ATP8A2: variants seen among roughly 807,000 people sequenced by gnomAD.
ATP8A2 encodes ATPase phospholipid transporting 8A2.
In ATP8A2, 100 loss-of-function variants were observed where a neutral mutation model predicts 165.6. The ratio of observed to expected loss-of-function variants is 0.60; its 90% CI spans 0.51 to 0.71. The LOEUF is 0.71. Ranked by LOEUF, ATP8A2 falls within the 30% of genes least tolerant of loss-of-function variation. The pLI is 0.00. For missense variants in ATP8A2, 1,227 were observed against 1,479.5 expected (o/e 0.83, Z 2.80); for synonymous variants, 543 against 548.8 (o/e 0.99, Z 0.15).
chr13:25,768,906 C>CTTTG (rs2044553312), intron 25 of ATP8A2, 140 bp from the exon 26 acceptor site: 3 of 803,708 alleles, frequency 3.7e-6, no homozygotes, highest in Non-Finnish European at 6.1e-6. Context: ...CTGAAAGCTT[C>CTTTG]TTTGCACATG....
chr13:25,953,686 G>C lies in ATP8A2; in HGVS notation c.3184-7889G>C, dbSNP rs541944695. ...CTCACTGGGACTGGTTAGATAGTGG[G>C]TGCAGCCCACGGAGGGCAAGCCGAA... On this transcript the variant is annotated intron_variant, in intron 33 of 36. Coordinates refer to ENST00000381655, the MANE Select transcript of ATP8A2 (RefSeq NM_016529.6). This position sits in a 1 kb window ranked among gnomAD's most constrained non-coding sequence, Gnocchi z 6.7. 1.3e-5 allele frequency among the ~76,000 whole-genome samples: 2 copies of C among 152,074 alleles called. No homozygotes were observed. The highest frequency in any genetic ancestry group is 1.3e-4 in the Admixed American group (2 of 15,286).
In ATP8A2 at chr13:25,446,042, CAG is replaced by C. The variant is rs1271514801; in HGVS notation, c.77-22929_77-22928del. 1.2e-4 allele frequency among the ~76,000 whole-genome samples: 19 copies of C among 152,214 alleles called. No homozygotes were observed. In the South Asian group the frequency reaches 3.7e-3, roughly 30 times the overall value. The stretch of plus-strand genomic sequence containing the variant: ...GTGCGTGGAGTGTGCCTGAGAGAAA[CAG>C]AGAGACAGAGAGAGATATGGGATGT... On this transcript the variant is annotated intron_variant, in intron 1 of 36. Transcript: ENST00000381655.
chr13:25,875,362 A>T (rs980711436), intron 33 of ATP8A2, among the ~76,000 whole-genome samples: 1 of 151,832 alleles, frequency 6.6e-6, no homozygotes, highest in Non-Finnish European at 1.5e-5. Flanking sequence ...CTTAGTACCT[A>T]GTACCCATCT....
At chr13:25,893,950 T>C (rs965529264) in intron 33 of ATP8A2, among the ~76,000 whole-genome samples, 1 of 151,816 alleles carries the variant, frequency 6.6e-6, no homozygotes, top group African/African-American at 2.4e-5. Flanking sequence ...TCTGGATGAG[T>C]ATGTTGCAAA....
intron 28 of ATP8A2, among the ~76,000 whole-genome samples, chr13:25,833,545 A>G (rs1176263450): frequency 6.7e-6 from 1 of 148,594 alleles, no homozygotes; most frequent in Non-Finnish European, 1.5e-5. Flanking sequence ...TTCTAGAGTC[A>G]GATGTGTAAT....
intron 25 of ATP8A2, among the ~76,000 whole-genome samples, chr13:25,757,301 C>G (rs2044283915): frequency 6.6e-6 from 1 of 152,162 alleles, no homozygotes; most frequent in Non-Finnish European, 1.5e-5. Context: ...CTCCAGTGGA[C>G]ACACGCGTGC....
intron 33 of ATP8A2, among the ~76,000 whole-genome samples, chr13:25,950,510 GTTTA>G (rs1955327351): frequency 6.6e-6 from 1 of 152,144 alleles, no homozygotes; most frequent in African/African-American, 2.4e-5. Context: ...CTCACACCCT[GTTTA>G]GGAAAATTGG....
intron 25 of ATP8A2, among the ~76,000 whole-genome samples, chr13:25,734,786 A>T (rs147902863): frequency 3.9e-5 from 6 of 152,234 alleles, no homozygotes; most frequent in African/African-American, 9.6e-5. Context: ...TTACAGGTGC[A>T]CATCACCACA....
chr13:25,729,107 C>A lies in ATP8A2; in HGVS notation c.2384+29762C>A, dbSNP rs181029279. 3.6e-3 allele frequency among the ~76,000 whole-genome samples: 551 copies of A among 152,170 alleles called. 5 individuals are homozygous for A. The highest frequency in any genetic ancestry group is 3.5e-3 in the Non-Finnish European group (235 of 68,010). ...TCCACTGTTTTTTTCCCACCCTCCC[C>A]CTCTCTCCTTTCTTGTGCAAGATTT... On this transcript the variant is annotated intron_variant, in intron 25 of 36. Transcript: ENST00000381655.
intron 3 of ATP8A2, 127 bp downstream of exon 3, chr13:25,530,225 T>C (rs2037986567): frequency 1.5e-6 from 1 of 647,926 alleles, no homozygotes; most frequent in East Asian, 2.7e-5. Flanking sequence ...CTCTAGTCAT[T>C]GTTTGATAGA....
intron 24 of ATP8A2, among the ~76,000 whole-genome samples, chr13:25,670,198 A>T (rs2042235975): frequency 6.6e-6 from 1 of 152,192 alleles, no homozygotes; most frequent in South Asian, 2.1e-4. Flanking sequence ...TTCAGGGACC[A>T]CTTGTTTGAG....
At chr13:25,472,456 A>T (rs1011658929) in intron 2 of ATP8A2, among the ~76,000 whole-genome samples, 1 of 152,120 alleles carries the variant, frequency 6.6e-6, no homozygotes, top group African/African-American at 2.4e-5. Flanking sequence ...GATTTGAGAA[A>T]ACGTCGAGCC....
chr13:25,510,130 TTCTC>T, intron 2 of ATP8A2, among the ~76,000 whole-genome samples: 1 of 147,800 alleles, frequency 6.8e-6, no homozygotes, highest in Admixed American at 6.8e-5. Flanking sequence ...AGAAATTTCT[TTCTC>T]TCTCTGACTC....
intron 35 of ATP8A2, among the ~76,000 whole-genome samples, chr13:26,011,359 T>C (rs1276338123): frequency 1.3e-5 from 2 of 152,170 alleles, no homozygotes; most frequent in Non-Finnish European, 1.5e-5. Flanking sequence ...CCTCTTCTTA[T>C]TAGGACAGCA....
chr13:26,020,103 T>G lies in ATP8A2; in HGVS notation c.*118T>G. ...GCCAAAACACCAGGAAACACATTTC[T>G]GTGGCCTTAGCCAAGCAGTTTGTTA... is the stretch of plus-strand genomic sequence containing the variant. On this transcript the variant is annotated 3_prime_UTR_variant, in exon 37 of 37. Coordinates refer to ENST00000381655, the MANE Select transcript of ATP8A2 (RefSeq NM_016529.6). The G allele has an allele frequency of 1.3e-6, 1 of 747,492 alleles. No homozygotes were observed. Among genetic ancestry groups the G allele is most frequent in the Non-Finnish European group, 2.3e-6 (1 of 443,060 alleles). 46.3% of individuals were successfully genotyped at this position (747,492 alleles called of 1,614,324 possible).
chr13:25,804,477 A>T (rs138480540), intron 27 of ATP8A2, among the ~76,000 whole-genome samples: 15 of 152,308 alleles, frequency 9.8e-5, no homozygotes, highest in Admixed American at 9.2e-4. Flanking sequence ...TTGTAGCTTT[A>T]TAAGTATATT....
intron 2 of ATP8A2, among the ~76,000 whole-genome samples, chr13:25,475,217 T>C (rs2035960311): frequency 6.6e-6 from 1 of 152,160 alleles, no homozygotes; most frequent in African/African-American, 2.4e-5. Flanking sequence ...TTTCCTTCTT[T>C]GTGTCCATGA....
chr13:25,990,502 C>A (rs2139287863), intron 35 of ATP8A2, among the ~76,000 whole-genome samples: 1 of 152,188 alleles, frequency 6.6e-6, no homozygotes, highest in South Asian at 2.1e-4. Context: ...CAAGGGAAAG[C>A]ATATGCAAAG....
intron 27 of ATP8A2, among the ~76,000 whole-genome samples, chr13:25,800,977 G>A (rs906321925): frequency 6.6e-6 from 1 of 152,146 alleles, no homozygotes. Flanking sequence ...TGACCGTCAG[G>A]AAAAGGATGC....
Sources: allele counts gnomAD v4.1 joint callset (sites outside exome capture counted in the v4.1 genomes callset), GRCh38; gene constraint gnomAD v4.1.1; non-coding constraint Gnocchi (gnomAD v3.1); transcripts MANE v1.5; gene names NCBI Gene and HGNC (gene_info 2026-07-23, HGNC 2026-07-21).